The following BAZ2B variants were observed in gnomAD, a reference collection of about 807,000 sequenced individuals.
BAZ2B encodes bromodomain adjacent to zinc finger domain 2B.
A neutral mutation model predicts 246.0 loss-of-function variants in BAZ2B; 91 were observed. That is an observed-to-expected ratio of 0.37 (90% CI 0.31 to 0.44). The LOEUF (loss-of-function observed/expected upper bound fraction) is 0.44, where lower values mean the gene tolerates loss of function less well. BAZ2B is among the 20% of genes least tolerant of loss of function. The pLI, the probability that BAZ2B is intolerant of heterozygous loss-of-function variation, is 1.00. For synonymous variants in BAZ2B, 855 were observed against 860.0 expected, an observed-to-expected ratio of 0.99 and a Z score of 0.10; for missense variants, 2,332 against 2,533.7, an observed-to-expected ratio of 0.92 and a Z score of 1.71.
chr2:159,534,936 AT>A, intron 2 of BAZ2B, among the ~76,000 whole-genome samples: 1 of 152,298 alleles, frequency 6.6e-6, no homozygotes, highest in Non-Finnish European at 1.5e-5. Context: ...TCAATAAACA[AT>A]TTTTATAGGG....
At chr2:159,544,311 G>A (rs2087032035) in intron 2 of BAZ2B, among the ~76,000 whole-genome samples, 1 of 152,152 alleles carries the variant, frequency 6.6e-6, no homozygotes, top group South Asian at 2.1e-4. Flanking sequence ...GTTTAGATTA[G>A]TACCTGGCGC....
rs117569106 is a variant in BAZ2B at position 159,382,605 on chromosome 2, T to A, written c.3959A>T (p.Asp1320Val). 1,399 of 1,557,368 alleles carry A rather than the reference T, an allele frequency of 9.0e-4. 27 individuals are homozygous for A. The East Asian group carries it at 0.03, about 33-fold the overall frequency. The change falls in exon 25 of 37, where the codon GAT (aspartate) becomes GTT (valine). Residue 1320 changes from aspartate (D) to valine (V), a missense_variant. Around this residue, in one of 9 missense-constraint regions of BAZ2B, gnomAD observed 676 missense variants for 668.6 expected, o/e 1.01. Coordinates refer to ENST00000392783, the MANE Select transcript of BAZ2B (RefSeq NM_013450.4). ...QGDEDDEDEE[D>V]KEDKKGKKTD... Reference sequence around the variant, plus strand: ...CTTTTTTCCTTTTTTGTCTTCTTTATCTTCTTCATCCTCATCATCTTCATC... The same window carrying A: ...CTTTTTTCCTTTTTTGTCTTCTTTAACTTCTTCATCCTCATCATCTTCATC...
chr2:159,667,597 AAAATAAATAAATAAAT>A, the BAZ2B span, among the ~76,000 whole-genome samples: 42 of 142,442 alleles, frequency 2.9e-4, no homozygotes, highest in South Asian at 9.1e-4. Flanking sequence ...CTCTGTCTCA[AAAATAAATAAATAAAT>A]AAATAAATAA....
intron 3 of BAZ2B, among the ~76,000 whole-genome samples, chr2:159,475,004 C>T (rs908419730): frequency 6.6e-6 from 1 of 152,104 alleles, no homozygotes; most frequent in Non-Finnish European, 1.5e-5. Flanking sequence ...TCTTTCATTT[C>T]AACCTTGGTG....
intron 27 of BAZ2B, among the ~76,000 whole-genome samples, chr2:159,350,797 C>T (rs1375597102): frequency 1.3e-5 from 2 of 152,052 alleles, no homozygotes; most frequent in Admixed American, 1.3e-4. Context: ...GGTCTCGAAT[C>T]TCTGAGGTCA....
chr2:159,334,143 C>T (rs992362905), intron 33 of BAZ2B, among the ~76,000 whole-genome samples: 3 of 152,074 alleles, frequency 2.0e-5, no homozygotes, highest in Admixed American at 6.5e-5. Context: ...GTTTTCTCTA[C>T]TAGGCAACTA....
chr2:159,433,531 C>T (rs1021504334), intron 8 of BAZ2B, 168 bp from the exon 9 acceptor site: 24 of 554,088 alleles, frequency 4.3e-5, no homozygotes, highest in Non-Finnish European at 6.1e-5. Flanking sequence ...TAGTTGGTTG[C>T]TACATTTTGG....
At chr2:159,393,752 C>T (rs879415330) in intron 20 of BAZ2B, among the ~76,000 whole-genome samples, 1 of 152,160 alleles carries the variant, frequency 6.6e-6, no homozygotes, top group Non-Finnish European at 1.5e-5. Context: ...TCCTTTTCCT[C>T]TTGAGAGGTG....
the BAZ2B span, among the ~76,000 whole-genome samples, chr2:159,661,845 A>C: frequency 6.6e-6 from 1 of 152,120 alleles, no homozygotes; most frequent in South Asian, 2.1e-4. Context: ...TCTTGCGCTC[A>C]AGCGATACTC....
At chr2:159,465,648 G>A (rs144544929) in intron 3 of BAZ2B, among the ~76,000 whole-genome samples, 2 of 152,292 alleles carry the variant, frequency 1.3e-5, no homozygotes, top group Non-Finnish European at 2.9e-5. Flanking sequence ...CTGAACAGGC[G>A]CGATGGCTCA....
the BAZ2B span, among the ~76,000 whole-genome samples, chr2:159,643,844 C>G: frequency 6.8e-6 from 1 of 146,246 alleles, no homozygotes; most frequent in Non-Finnish European, 1.5e-5. Flanking sequence ...TCATTGCACT[C>G]CAGCCTGGGC....
intron 2 of BAZ2B, among the ~76,000 whole-genome samples, chr2:159,529,461 G>A (rs1055580599): frequency 9.9e-5 from 15 of 151,994 alleles, no homozygotes; most frequent in East Asian, 1.9e-4. Flanking sequence ...TCTCAGTATC[G>A]TGGCATTTAC....
intron 31 of BAZ2B, among the ~76,000 whole-genome samples, chr2:159,344,044 AAG>A (rs1465621886): frequency 7.8e-6 from 1 of 128,672 alleles, no homozygotes; most frequent in Admixed American, 8.0e-5. Context: ...AAAAAAAAAA[AAG>A]AAAAAAAAAA....
At chr2:159,604,796 G>A (rs1693014918) in intron 1 of BAZ2B, among the ~76,000 whole-genome samples, 2 of 152,028 alleles carry the variant, frequency 1.3e-5, no homozygotes, top group Non-Finnish European at 1.5e-5. Context: ...CTAGCAGAAA[G>A]GAATGCAGAA....
rs1356685456 is a variant in BAZ2B at position 159,350,273 on chromosome 2, C to T, written c.4298G>A (p.Gly1433Glu). 3.1e-6 allele frequency: 5 copies of T among 1,610,430 alleles called. No individual in the cohort carries two copies. Among genetic ancestry groups the T allele is most frequent in the Non-Finnish European group, 4.2e-6 (5 of 1,178,034 alleles). The change falls in exon 28 of 37, where the codon GGG (glycine) becomes GAG (glutamate). Residue 1433 changes from glycine to glutamate, a missense_variant. By Grantham distance (98) the Gly-to-Glu change is moderately conservative (BLOSUM62 -2). This residue lies in a region of BAZ2B where 676 missense variants were observed against 668.6 expected (regional missense o/e 1.01). Transcript: ENST00000392783. ...QIKEEMFETS[G>E]DSLNCSNTDH... ...TGTATTTGAACAATTTAAACTGTCC[C>T]CAGAAGTCTCAAACATTTCTTCTTT...
chr2:159,356,193 C>T (rs779817412), intron 27 of BAZ2B, among the ~76,000 whole-genome samples: 21 of 152,164 alleles, frequency 1.4e-4, no homozygotes, highest in East Asian at 1.9e-4. Flanking sequence ...TGGTCTAGCT[C>T]GGTGGATCCC....
intron 3 of BAZ2B, chr2:159,462,386 T>C: frequency 8.2e-7 from 1 of 1,224,342 alleles, no homozygotes; most frequent in Non-Finnish European, 1.2e-6. Flanking sequence ...AATCCTACAT[T>C]CAGCCTTTAG....
At chr2:159,342,486 A>G (rs2066901815) in intron 31 of BAZ2B, among the ~76,000 whole-genome samples, 1 of 152,094 alleles carries the variant, frequency 6.6e-6, no homozygotes, top group Non-Finnish European at 1.5e-5. Flanking sequence ...GGGTTTTGCC[A>G]TGTTCCCCAG....
rs139370331 is a variant in BAZ2B at position 159,502,558 on chromosome 2, T to C, written c.-2-23837A>G. ...CTGAGACAAGAGGACTGCCTGAGCCTGGGAGACTGAGGCTGCAGTTAGCTG... is the reference window on the plus strand; with the variant it reads ...CTGAGACAAGAGGACTGCCTGAGCCCGGGAGACTGAGGCTGCAGTTAGCTG... On this transcript the variant is annotated intron_variant, in intron 2 of 36. Coordinates refer to ENST00000392783, the MANE Select transcript of BAZ2B (RefSeq NM_013450.4). Among the ~76,000 whole-genome samples the C allele has an allele frequency of 4.5e-3, 687 of 152,150 alleles. 3 individuals are homozygous for C. The highest frequency in any genetic ancestry group is 7.3e-3 in the Admixed American group (112 of 15,268).
Sources: gnomAD v4.1 joint callset for allele counts (sites outside exome capture counted in the v4.1 genomes callset) on GRCh38, gnomAD v4.1.1 for gene constraint, gnomAD v4.1.1 regional missense constraint, MANE v1.5 for transcripts, NCBI Gene and HGNC (gene_info 2026-07-23, HGNC 2026-07-21) for gene names.